Variants in CLINT1 observed in about 807,000 individuals in gnomAD.
CLINT1 encodes the protein clathrin interacting protein localized in the trans-Golgi region.
CLINT1 carries 15 observed loss-of-function variants against 70.4 expected under a neutral mutation model. The ratio of observed to expected loss-of-function variants is 0.21; its 90% CI spans 0.14 to 0.33. CLINT1 has a LOEUF of 0.33. Among genes scored for constraint, CLINT1 ranks in the 10% least tolerant of loss-of-function variants. CLINT1 has a pLI of 1.00. For missense variants in CLINT1, 615 were observed against 778.1 expected, an observed-to-expected ratio of 0.79 and a Z score of 2.49; for synonymous variants, 227 against 254.7, an observed-to-expected ratio of 0.89 and a Z score of 1.04.
chr5:157,815,787 C>T (rs570493492), intron 3 of CLINT1, among the ~76,000 whole-genome samples: 1 of 152,178 alleles, frequency 6.6e-6, no homozygotes, highest in Non-Finnish European at 1.5e-5. Context: ...TGGCTACAAA[C>T]CTGTGCAGCA....
intron 1 of CLINT1, among the ~76,000 whole-genome samples, chr5:157,857,379 G>A (rs2113351089): frequency 6.6e-6 from 1 of 152,186 alleles, no homozygotes; most frequent in East Asian, 1.9e-4. Flanking sequence ...GTAAGCAAAA[G>A]CAAAGAATAT....
chr5:157,809,868 G>T, intron 5 of CLINT1, 63 bp from the exon 6 acceptor site: 1 of 1,459,570 alleles, frequency 6.9e-7, no homozygotes, highest in Non-Finnish European at 9.3e-7. Flanking sequence ...GTATCTACAA[G>T]TCCTTATTTC....
intron 7 of CLINT1, among the ~76,000 whole-genome samples, 154 bp downstream of exon 7, chr5:157,805,712 A>G (rs1417856452): frequency 6.6e-6 from 1 of 152,166 alleles, no homozygotes; most frequent in African/African-American, 2.4e-5. Context: ...CCTCAAAGAG[A>G]TTTCTTATTA....
At position 157,809,748 on chromosome 5, in the gene CLINT1, T is replaced by C; in HGVS notation, c.575A>G (p.Lys192Arg). The C allele has an allele frequency of 6.2e-7, 1 of 1,613,612 alleles. No homozygotes were observed. The highest frequency in any genetic ancestry group is 8.5e-7 in the Non-Finnish European group (1 of 1,179,662). ...TTTATCACTGAATGGAAAAGCACTCTTGTTTTTATCCCACTCCTCATCCCA... is the reference window on the plus strand; with the variant it reads ...TTTATCACTGAATGGAAAAGCACTCCTGTTTTTATCCCACTCCTCATCCCA... ...SKWDEEWDKN[K>R]SAFPFSDKLG... The change falls in exon 6 of 12, where the codon AAG becomes AGG. Residue 192 changes from lysine (K) to arginine (R), a missense_variant. Lys to Arg is a conservative substitution (Grantham distance 26). Transcript: ENST00000411809.
In CLINT1 at chr5:157,787,397, C is replaced by G; in HGVS notation, c.*249G>C. ...TCAGTTGATAAAGGCTTTCAATGGT[C>G]TCACCACCCACTTGTGGTCTATCCT... On this transcript the variant is annotated 3_prime_UTR_variant, in exon 12 of 12. Coordinates refer to ENST00000411809, the MANE Select transcript of CLINT1 (RefSeq NM_014666.4). 1 of 514,960 alleles carries G rather than the reference C, an allele frequency of 1.9e-6. No individual in the cohort carries two copies. The highest frequency in any genetic ancestry group is 3.3e-5 in the East Asian group (1 of 30,476). 31.9% of individuals were successfully genotyped at this position (514,960 alleles called of 1,614,324 possible).
At chr5:157,848,113 A>T (rs1326710302) in intron 1 of CLINT1, among the ~76,000 whole-genome samples, 2 of 149,554 alleles carry the variant, frequency 1.3e-5, no homozygotes, top group Non-Finnish European at 3.0e-5. Flanking sequence ...GCCAAAAAAA[A>T]TTTTTTTTTG....
At chr5:157,790,031 T>G (rs112253645) in intron 10 of CLINT1, 4,505 of 166,340 alleles carry the variant, frequency 0.027, 209 homozygotes, top group African/African-American at 0.1. Flanking sequence ...TGAAACCCCA[T>G]CTCTACTAAA....
At position 157,846,332 on chromosome 5, in the gene CLINT1, G is replaced by C. The variant is rs1661927154; in HGVS notation, c.41+12598C>G. ...ATGATAAGTGAAACAGAGCTTCACT[G>C]CTGATATGGAGAAAGTTTGAGTGGT... is the stretch of plus-strand genomic sequence containing the variant. On this transcript the variant is annotated intron_variant, in intron 1 of 11. Coordinates refer to ENST00000411809, the MANE Select transcript of CLINT1 (RefSeq NM_014666.4). Among the ~76,000 whole-genome samples the C allele has an allele frequency of 2.6e-5, 4 of 152,190 alleles. No individual in the cohort carries two copies. In the South Asian group the frequency reaches 8.3e-4, roughly 32 times the overall value.
chr5:157,857,279 AT>A (rs1390252229), intron 1 of CLINT1, among the ~76,000 whole-genome samples: 1 of 151,708 alleles, frequency 6.6e-6, no homozygotes, highest in African/African-American at 2.4e-5. Flanking sequence ...TTAAAAAACT[AT>A]TTAAGTTGAT....
In CLINT1 at chr5:157,798,305, C is replaced by T. The variant is rs181125249; in HGVS notation, c.1013-3333G>A. On this transcript the variant is annotated intron_variant, in intron 8 of 11. Transcript: ENST00000411809. ...GCATGTGGAAGACTGCTAATTTTCA[C>T]AACAAGTGCTATCCTTCAAGATTCC... Among the ~76,000 whole-genome samples, 3 of 152,236 alleles carry T rather than the reference C, an allele frequency of 2.0e-5. No homozygotes were observed. In the East Asian group the frequency reaches 5.8e-4, roughly 29 times the overall value.
chr5:157,830,430 T>C (rs1255142746), intron 1 of CLINT1, among the ~76,000 whole-genome samples: 1 of 152,182 alleles, frequency 6.6e-6, no homozygotes, highest in Non-Finnish European at 1.5e-5. Context: ...TTAAATCTCA[T>C]TTTTTAAAAC....
intron 1 of CLINT1, among the ~76,000 whole-genome samples, chr5:157,835,818 CTTAAAAA>C (rs1439414224): frequency 6.6e-6 from 1 of 152,142 alleles, no homozygotes; most frequent in Non-Finnish European, 1.5e-5. Flanking sequence ...CTTGCCAAGA[CTTAAAAA>C]GTTAAGATAA....
At chr5:157,842,369 G>C (rs1753216044) in intron 1 of CLINT1, among the ~76,000 whole-genome samples, 1 of 152,144 alleles carries the variant, frequency 6.6e-6, no homozygotes, top group African/African-American at 2.4e-5. Flanking sequence ...CAGGAGAATG[G>C]CATGAATCCG....
In CLINT1 at chr5:157,840,213, A is replaced by AAAAAC. The variant is rs1554102281; in HGVS notation, c.41+18716_41+18717insGTTTT. Among the ~76,000 whole-genome samples, 280 of 141,508 alleles carry AAAAAC rather than the reference A, an allele frequency of 2.0e-3. 4 individuals carry two copies. The highest frequency in any genetic ancestry group is 7.1e-3 in the African/African-American group (268 of 37,736). 92.8% of individuals were successfully genotyped at this position (141,508 alleles called of 152,430 possible). A position where few individuals can be genotyped will look rare whatever the true frequency, so the allele number is the denominator to read the frequency against. On this transcript the variant is annotated intron_variant, in intron 1 of 11. Transcript: ENST00000411809. Reference sequence around the variant, plus strand: ...GCCTCAAAAAAAAAAAAAAAAAAAAAGGAAAAAAGAGAAGAAGAACTGAGG... The same window carrying AAAAAC: ...GCCTCAAAAAAAAAAAAAAAAAAAAAAAAACGGAAAAAAGAGAAGAAGAACTGAGG...
At chr5:157,813,281 A>G in intron 4 of CLINT1, 54 bp from the exon 5 acceptor site, 1 of 1,452,738 alleles carries the variant, frequency 6.9e-7, no homozygotes, top group South Asian at 1.4e-5. Context: ...AATATGTATC[A>G]AGCTCTTTAA....
chr5:157,829,689 A>ATTTTTTT (rs3075709), intron 1 of CLINT1, among the ~76,000 whole-genome samples: 127 of 109,098 alleles, frequency 1.2e-3, no homozygotes, highest in African/African-American at 2.2e-3. Flanking sequence ...ACACCCAGCT[A>ATTTTTTT]TTTTTTTTTT....
chr5:157,811,132 C>A (rs182206480), intron 5 of CLINT1, among the ~76,000 whole-genome samples: 63 of 152,020 alleles, frequency 4.1e-4, no homozygotes, highest in African/African-American at 1.4e-3. Flanking sequence ...CAAATTTACA[C>A]GAAAAATGGA....
At chr5:157,854,730 C>T (rs1753688339) in intron 1 of CLINT1, among the ~76,000 whole-genome samples, 1 of 152,092 alleles carries the variant, frequency 6.6e-6, no homozygotes, top group Non-Finnish European at 1.5e-5. Flanking sequence ...AAATATACAT[C>T]AATAAAAATC....
chr5:157,813,550 T>A (rs986885263), intron 4 of CLINT1, among the ~76,000 whole-genome samples: 10 of 152,202 alleles, frequency 6.6e-5, no homozygotes, highest in African/African-American at 2.2e-4. Flanking sequence ...TATCCATAAG[T>A]GCTATTGTGT....
Sources: allele counts gnomAD v4.1 joint callset (sites outside exome capture counted in the v4.1 genomes callset), GRCh38; gene constraint gnomAD v4.1.1; transcripts MANE v1.5; gene names NCBI Gene and HGNC (gene_info 2026-07-23, HGNC 2026-07-21).